The following ITGAV variants were observed in gnomAD, a reference collection of about 807,000 sequenced individuals.
ITGAV encodes integrin alpha-V.
A neutral mutation model predicts 143.8 loss-of-function variants in ITGAV; 76 were observed. The observed-to-expected ratio is 0.53, with a 90% CI of 0.44 to 0.64. ITGAV has a LOEUF of 0.64. ITGAV is among the 30% of genes least tolerant of loss of function. The pLI is 0.00. For missense variants in ITGAV, 1,193 were observed against 1,274.7 expected, an observed-to-expected ratio of 0.94 and a Z score of 0.98; for synonymous variants, 453 against 446.7, an observed-to-expected ratio of 1.01 and a Z score of -0.18.
At position 186,640,911 on chromosome 2, in the gene ITGAV, C is replaced by T. The variant is rs1688084229; in HGVS notation, c.904-4C>T. The T allele has an allele frequency of 6.3e-7, 1 of 1,586,172 alleles. No homozygotes were observed. Among genetic ancestry groups the T allele is most frequent in the Non-Finnish European group, 8.6e-7 (1 of 1,161,350 alleles). ...AAACATTTCATTTTCATCTTTTTAT[C>T]CAGATGGCTGCATATTTCGGATTTT... is the stretch of plus-strand genomic sequence containing the variant. On this transcript the variant is annotated splice_polypyrimidine_tract_variant and splice_region_variant and intron_variant, in intron 10 of 29. Coordinates refer to ENST00000261023, the MANE Select transcript of ITGAV (RefSeq NM_002210.5).
chr2:186,590,760 G>C (rs1362453730), intron 1 of ITGAV, among the ~76,000 whole-genome samples: 2 of 152,216 alleles, frequency 1.3e-5, no homozygotes, highest in African/African-American at 2.4e-5. Context: ...GTTAGGGGCA[G>C]CGGGAGAGCT....
At chr2:186,659,411 A>C (rs1688680650) in intron 18 of ITGAV, among the ~76,000 whole-genome samples, 1 of 152,040 alleles carries the variant, frequency 6.6e-6, no homozygotes. Flanking sequence ...ACAGAGAAAG[A>C]CATTTCATAT....
chr2:186,649,025 C>T (rs79561618), intron 13 of ITGAV, among the ~76,000 whole-genome samples: 33 of 35,554 alleles, frequency 9.3e-4, no homozygotes, highest in East Asian at 2.9e-3. Flanking sequence ...TATATATATA[C>T]ACATTTGTGT....
intron 18 of ITGAV, among the ~76,000 whole-genome samples, chr2:186,659,614 TTTAGA>T (rs1332879950): frequency 2.0e-5 from 3 of 151,950 alleles, no homozygotes; most frequent in Non-Finnish European, 4.4e-5. Flanking sequence ...GTATTCTAGT[TTTAGA>T]AAATCTTATG....
intron 1 of ITGAV, among the ~76,000 whole-genome samples, chr2:186,601,452 T>C (rs3845711): frequency 0.99 from 150,654 of 151,416 alleles, 74,952 homozygotes; most frequent in Middle Eastern, 1. Context: ...AAAGCAAAAC[T>C]GTGTCTCTTA....
intron 21 of ITGAV, among the ~76,000 whole-genome samples, chr2:186,666,364 T>C (rs61763155): frequency 0.012 from 1,902 of 152,296 alleles, 39 homozygotes; most frequent in African/African-American, 0.044. Flanking sequence ...GCACATACTT[T>C]GGTGGTTAGC....
chr2:186,621,225 A>G lies in ITGAV; in HGVS notation c.317-1114A>G, dbSNP rs572617376. ...AATTATTGTGAAAATTTTCAAACTT[A>G]TAGAAAATTTCAATTTCAGTAATAC... is the stretch of plus-strand genomic sequence containing the variant. On this transcript the variant is annotated intron_variant, in intron 2 of 29. Coordinates refer to ENST00000261023, the MANE Select transcript of ITGAV (RefSeq NM_002210.5). 6.6e-5 allele frequency among the ~76,000 whole-genome samples: 10 copies of G among 152,316 alleles called. 1 individual carries two copies. In the South Asian group the frequency reaches 2.1e-3, roughly 32 times the overall value.
intron 1 of ITGAV, among the ~76,000 whole-genome samples, chr2:186,595,006 T>TA (rs941886919): frequency 2.0e-5 from 3 of 152,254 alleles, no homozygotes; most frequent in Non-Finnish European, 4.4e-5. Context: ...AAATTGTAGT[T>TA]ACTGCTTCTG....
intron 2 of ITGAV, among the ~76,000 whole-genome samples, chr2:186,619,206 C>T (rs927888109): frequency 3.4e-4 from 52 of 151,168 alleles, no homozygotes; most frequent in African/African-American, 1.2e-3. Context: ...GGTGTGTGTA[C>T]GTGTCTGTGT....
At chr2:186,602,280 T>C in intron 2 of ITGAV, 129 bp downstream of exon 2, 1 of 630,608 alleles carries the variant, frequency 1.6e-6, no homozygotes, top group African/African-American at 1.9e-5. Flanking sequence ...GGGAAAATTA[T>C]ATAAAGACAA....
intron 1 of ITGAV, among the ~76,000 whole-genome samples, chr2:186,591,092 C>A (rs1464696485): frequency 6.6e-6 from 1 of 152,180 alleles, no homozygotes; most frequent in East Asian, 1.9e-4. Context: ...TGTCTTATCT[C>A]TGGGACTGTC....
At chr2:186,614,213 G>C (rs764074274) in intron 2 of ITGAV, among the ~76,000 whole-genome samples, 1 of 151,910 alleles carries the variant, frequency 6.6e-6, no homozygotes, top group Non-Finnish European at 1.5e-5. Context: ...GAGAAAACCA[G>C]ACCTACTTAA....
At chr2:186,602,876 TAAAA>T (rs11297809) in intron 2 of ITGAV, among the ~76,000 whole-genome samples, 340 of 130,868 alleles carry the variant, frequency 2.6e-3, no homozygotes, top group African/African-American at 8.9e-3. Context: ...GACTCCATCT[TAAAA>T]AAAAAAAAAA....
chr2:186,613,979 TAAAG>T (rs1313308739), intron 2 of ITGAV, among the ~76,000 whole-genome samples: 2 of 152,104 alleles, frequency 1.3e-5, no homozygotes, highest in African/African-American at 2.4e-5. Flanking sequence ...CGCTAATGCT[TAAAG>T]AAAGAAGAGC....
At position 186,602,043 on chromosome 2, in the gene ITGAV, G is replaced by A; in HGVS notation, c.208G>A (p.Ala70Thr). 6.2e-7 allele frequency: 1 copy of A among 1,609,248 alleles called. No homozygotes were observed. The highest frequency in any genetic ancestry group is 8.5e-7 in the Non-Finnish European group (1 of 1,177,666). ...ASSRMFLLVG[A>T]PKANTTQPGI... Reference sequence around the variant, plus strand: ...TAGCCGGATGTTTCTTCTCGTGGGAGCTCCCAAAGCAAACACCACCCAGCC... The same window carrying A: ...TAGCCGGATGTTTCTTCTCGTGGGAACTCCCAAAGCAAACACCACCCAGCC... Residue 70 changes from alanine to threonine, a missense_variant, in exon 2 of 30, where the codon GCT becomes ACT. Physicochemically the swap from Ala to Thr is moderately conservative, Grantham distance 58. Transcript: ENST00000261023.
chr2:186,600,393 A>G, intron 1 of ITGAV: 1 of 1,536,460 alleles, frequency 6.5e-7, no homozygotes, highest in African/African-American at 1.4e-5. Flanking sequence ...TGAGTTCCTT[A>G]GAAATAACTT....
intron 1 of ITGAV, among the ~76,000 whole-genome samples, chr2:186,594,966 GCATTATGAAAGA>G (rs1231790148): frequency 6.6e-6 from 1 of 152,146 alleles, no homozygotes; most frequent in Non-Finnish European, 1.5e-5. Flanking sequence ...GTTTCATAGA[GCATTATGAAAGA>G]CAAGGGAAAA....
At chr2:186,670,858 A>G (rs1689043827) in intron 26 of ITGAV, among the ~76,000 whole-genome samples, 1 of 152,210 alleles carries the variant, frequency 6.6e-6, no homozygotes, top group African/African-American at 2.4e-5. Context: ...AGGAATCTCA[A>G]ACAATTCTAA....
intron 3 of ITGAV, among the ~76,000 whole-genome samples, chr2:186,624,178 T>G (rs1007236754): frequency 2.6e-5 from 4 of 152,224 alleles, no homozygotes; most frequent in Non-Finnish European, 5.9e-5. Context: ...GTGTTTCCTC[T>G]GCTTGTATAA....
Sources: gnomAD v4.1 joint callset for allele counts (sites outside exome capture counted in the v4.1 genomes callset) on GRCh38, gnomAD v4.1.1 for gene constraint, MANE v1.5 for transcripts, NCBI Gene and HGNC (gene_info 2026-07-23, HGNC 2026-07-21) for gene names.